Variants in SMARCA4 observed in about 807,000 individuals in gnomAD.
SMARCA4 encodes SWI/SNF related BAF chromatin remodeling complex subunit ATPase 4.
SMARCA4 carries 31 observed loss-of-function variants against 193.9 expected under a neutral mutation model. The observed-to-expected ratio is 0.16, with a 90% confidence interval of 0.12 to 0.22. The LOEUF (loss-of-function observed/expected upper bound fraction) is 0.22, where lower values mean the gene tolerates loss of function less well. Among genes scored for constraint, SMARCA4 ranks in the 10% least tolerant of loss-of-function variants. SMARCA4 has a pLI of 1.00. For missense variants in SMARCA4, 1,148 were observed against 2,296.0 expected (o/e 0.50, Z 10.22); for synonymous variants, 942 against 933.1 (o/e 1.01, Z -0.17).
In SMARCA4 at chr19:11,041,596, G is replaced by T. The variant is rs1188901555; in HGVS notation, c.4424+36G>T. Reference sequence around the variant, plus strand: ...AGGCGGGGAGGGCGGGGGCTGTAGGGGTCCCCGTGGGAGCAGGCCTGGCAT... The same window carrying T: ...AGGCGGGGAGGGCGGGGGCTGTAGGTGTCCCCGTGGGAGCAGGCCTGGCAT... On this transcript the variant is annotated intron_variant, in intron 30 of 34. Transcript: ENST00000344626. This position sits in a 1 kb window ranked among gnomAD's most constrained non-coding sequence, Gnocchi z 5.6. 2 of 1,597,828 alleles carry T rather than the reference G, an allele frequency of 1.3e-6. No homozygotes were observed. Among genetic ancestry groups the T allele is most frequent in the Admixed American group, 3.3e-5 (2 of 59,850 alleles).
intron 1 of SMARCA4, among the ~76,000 whole-genome samples, chr19:10,963,396 AAG>A (rs1568385175): frequency 1.3e-5 from 2 of 150,590 alleles, no homozygotes; most frequent in Non-Finnish European, 3.0e-5. Flanking sequence ...AAAAAAGAAA[AAG>A]AAAGCTTGGT....
chr19:11,024,888 G>C (rs1002200157), intron 21 of SMARCA4, among the ~76,000 whole-genome samples: 2 of 151,836 alleles, frequency 1.3e-5, no homozygotes, highest in Admixed American at 1.3e-4. Flanking sequence ...CCTTGACCTC[G>C]GCCTGGCTTC....
rs1441370371 is a variant in SMARCA4, at chr19:10,996,344, G to C, written c.1725G>C (p.Gln575His). ...TELVRQHKAA[Q>H]VAKEKKKKKK... The stretch of plus-strand genomic sequence containing the variant: ...TGGTGCGGCAGCACAAGGCTGCCCA[G>C]GTCGCCAAGGAGAAAAAGAAGAAAA... The change falls in exon 10 of 35, where the codon CAG (glutamine) becomes CAC (histidine). Residue 575 changes from glutamine (Q) to histidine (H), a missense_variant. Around this residue, in one of 17 missense-constraint regions of SMARCA4, gnomAD observed 115 missense variants for 175.1 expected, o/e 0.66. Coordinates refer to ENST00000344626, the MANE Select transcript of SMARCA4 (RefSeq NM_003072.5). The C allele has an allele frequency of 1.1e-5, 18 of 1,614,240 alleles. No homozygotes were observed. The highest frequency in any genetic ancestry group is 1.5e-5 in the Non-Finnish European group (18 of 1,180,044).
intron 34 of SMARCA4, among the ~76,000 whole-genome samples, chr19:11,061,449 C>A (rs1297923964): frequency 6.6e-6 from 1 of 151,894 alleles, no homozygotes; most frequent in East Asian, 1.9e-4. Context: ...CATCTCGGCT[C>A]ACTGCAAGCT....
chr19:10,974,132 C>G (rs2084908093), intron 1 of SMARCA4, among the ~76,000 whole-genome samples: 1 of 152,120 alleles, frequency 6.6e-6, no homozygotes, highest in Non-Finnish European at 1.5e-5. Flanking sequence ...AAACAACCAC[C>G]ATAATTCCAA....
intron 32 of SMARCA4, among the ~76,000 whole-genome samples, 198 bp from the exon 33 acceptor site, chr19:11,059,555 T>C (rs935426166): frequency 2.6e-5 from 4 of 152,216 alleles, no homozygotes; most frequent in African/African-American, 9.6e-5. Flanking sequence ...AGTCTGATGC[T>C]CGGGCCCCTA....
chr19:11,053,310 CCT>C, intron 30 of SMARCA4, among the ~76,000 whole-genome samples: 1 of 152,208 alleles, frequency 6.6e-6, no homozygotes, highest in Non-Finnish European at 1.5e-5. Flanking sequence ...GTGGCAAAAC[CCT>C]GTTTCTACTC....
chr19:11,008,985 AAATG>A (rs1439787245), intron 14 of SMARCA4, among the ~76,000 whole-genome samples: 1 of 146,114 alleles, frequency 6.8e-6, no homozygotes, highest in African/African-American at 2.6e-5. Flanking sequence ...AAAAAAAAAA[AAATG>A]TAGGTGGATA....
Position 11,019,406 on chromosome 19 carries a change from C to G in SMARCA4, c.2506-185C>G, listed in dbSNP as rs867928008. ...GCACTGCTTCCTCTTCCCCCTGCAG[C>G]GCGTGTTCTGCGTGGTGAGGTCTGG... On this transcript the variant is annotated intron_variant, in intron 17 of 34. Transcript: ENST00000344626. This position sits in a 1 kb window ranked among gnomAD's most constrained non-coding sequence, Gnocchi z 6.1. 1.6e-6 allele frequency: 1 copy of G among 628,346 alleles called. No individual in the cohort carries two copies. Among genetic ancestry groups the G allele is most frequent in the Non-Finnish European group, 2.9e-6 (1 of 348,404 alleles). 38.9% of individuals were successfully genotyped at this position (628,346 alleles called of 1,614,324 possible). A position where few individuals can be genotyped will look rare whatever the true frequency, so the allele number is the denominator to read the frequency against.
rs1600258073 is a variant in SMARCA4 at position 11,019,642 on chromosome 19, T to C, written c.2557T>C (p.Phe853Leu). Residue 853 changes from phenylalanine (F) to leucine (L), a missense_variant, in exon 18 of 35, where the codon TTC (phenylalanine) becomes CTC (leucine). Physicochemically the swap from Phe to Leu is conservative, Grantham distance 22. This residue lies in a region of SMARCA4 where 54 missense variants were observed against 123.3 expected (regional missense o/e 0.44). Transcript: ENST00000344626. The surrounding 1 kb of genome is among the most constrained non-coding windows in gnomAD (Gnocchi z 6.1). Reference sequence around the variant, plus strand: ...TGTCCCCCAGCTCCGGAGTGGGAAGTTCAACGTCTTGCTGACGACGTACGA... The same window carrying C: ...TGTCCCCCAGCTCCGGAGTGGGAAGCTCAACGTCTTGCTGACGACGTACGA... The part of the protein sequence containing the change: ...AFVPQLRSGK[F>L]NVLLTTYEYI... 1 of 1,613,630 alleles carries C rather than the reference T, an allele frequency of 6.2e-7. No homozygotes were observed. Among genetic ancestry groups the C allele is most frequent in the Non-Finnish European group, 8.5e-7 (1 of 1,179,856 alleles).
Position 10,985,034 on chromosome 19 carries a change from T to C in SMARCA4, c.223-239T>C, listed in dbSNP as rs74720709. 0.095 allele frequency among the ~76,000 whole-genome samples: 14,478 copies of C among 152,270 alleles called. 754 individuals are homozygous for C. The highest frequency in any genetic ancestry group is 0.11 in the South Asian group (551 of 4,828). ...CCGGGTGGTAGAAGATGAGGATTGC[T>C]TGACCACAGTCTCCCATATGCTCGT... On this transcript the variant is annotated intron_variant, in intron 2 of 34. Coordinates refer to ENST00000344626, the MANE Select transcript of SMARCA4 (RefSeq NM_003072.5). This position sits in a 1 kb window ranked among gnomAD's most constrained non-coding sequence, Gnocchi z 4.5.
intron 1 of SMARCA4, among the ~76,000 whole-genome samples, chr19:10,962,322 G>C (rs1204536351): frequency 1.3e-5 from 2 of 151,942 alleles, no homozygotes; most frequent in Non-Finnish European, 2.9e-5. Context: ...AACTTCTTGA[G>C]GCCCTACTAA....
rs962214812 is a variant in SMARCA4, at chr19:11,035,228, A to G, written c.4170+96A>G. On this transcript the variant is annotated intron_variant, in intron 29 of 34. Coordinates refer to ENST00000344626, the MANE Select transcript of SMARCA4 (RefSeq NM_003072.5). The stretch of plus-strand genomic sequence containing the variant: ...CCGCCAGGACTCAGGCCTGGGTCCA[A>G]AATGCTTTCCTTGGGCCACTCCTGG... 4 of 1,214,328 alleles carry G rather than the reference A, an allele frequency of 3.3e-6. No individual in the cohort carries two copies. The African/African-American group carries it at 4.5e-5, about 14-fold the overall frequency. 75.2% of individuals were successfully genotyped at this position (1,214,328 alleles called of 1,614,324 possible).
rs1422013495 is a variant in SMARCA4 at position 11,023,505 on chromosome 19, T to C, written c.2860-13T>C. On this transcript the variant is annotated splice_polypyrimidine_tract_variant and intron_variant, in intron 19 of 34. Coordinates refer to ENST00000344626, the MANE Select transcript of SMARCA4 (RefSeq NM_003072.5). ...GAGGTAACGCTTGCTTCTCCTGTCT[T>C]GGGGGCTTCCAGGTGGACCTGAATG... is the stretch of plus-strand genomic sequence containing the variant. The C allele has an allele frequency of 1.3e-6, 2 of 1,559,698 alleles. No individual in the cohort carries two copies. Among genetic ancestry groups the C allele is most frequent in the Admixed American group, 1.7e-5 (1 of 59,612 alleles).
chr19:11,030,708 T>C lies in SMARCA4; in HGVS notation c.3383-22T>C, dbSNP rs368028126. 1.4e-5 allele frequency: 22 copies of C among 1,607,716 alleles called. No individual in the cohort carries two copies. The highest frequency in any genetic ancestry group is 1.9e-5 in the Non-Finnish European group (22 of 1,177,442). ...ACCCCTGAGGTCACCCCGCTGACCC[T>C]GTTCTCCTCTGTGCCCGTCAGGAAC... On this transcript the variant is annotated intron_variant, in intron 24 of 34. Transcript: ENST00000344626. This position sits in a 1 kb window ranked among gnomAD's most constrained non-coding sequence, Gnocchi z 5.5.
intron 30 of SMARCA4, among the ~76,000 whole-genome samples, chr19:11,053,074 C>T (rs544290253): frequency 3.3e-5 from 5 of 152,220 alleles, no homozygotes; most frequent in Non-Finnish European, 7.4e-5. Context: ...AACTTGGGTT[C>T]TTGGTGGGGA....
chr19:11,039,151 C>T (rs1481757509), intron 29 of SMARCA4, among the ~76,000 whole-genome samples: 1 of 152,054 alleles, frequency 6.6e-6, no homozygotes, highest in Non-Finnish European at 1.5e-5. Context: ...GTCAGGAGCT[C>T]AAGACCAGCC....
intron 11 of SMARCA4, among the ~76,000 whole-genome samples, chr19:11,001,845 A>G (rs932928829): frequency 6.6e-6 from 1 of 152,242 alleles, no homozygotes; most frequent in African/African-American, 2.4e-5. Flanking sequence ...GAAATATACA[A>G]GAATTGATGA....
At position 11,030,049 on chromosome 19, in the gene SMARCA4, G is replaced by A. The variant is rs1403666364; in HGVS notation, c.3383-681G>A. ...CTCTGTCCGAACTCCCAGCAGCGCA[G>A]GGAGTGTTGACATTGCCTTAATGCC... On this transcript the variant is annotated intron_variant, in intron 24 of 34. Coordinates refer to ENST00000344626, the MANE Select transcript of SMARCA4 (RefSeq NM_003072.5). This position sits in a 1 kb window ranked among gnomAD's most constrained non-coding sequence, Gnocchi z 5.5. 3.3e-5 allele frequency among the ~76,000 whole-genome samples: 5 copies of A among 152,162 alleles called. No homozygotes were observed. The highest frequency in any genetic ancestry group is 4.8e-5 in the African/African-American group (2 of 41,430).
Sources: allele counts gnomAD v4.1 joint callset (sites outside exome capture counted in the v4.1 genomes callset), GRCh38; gene constraint gnomAD v4.1.1; regional missense constraint gnomAD v4.1.1; non-coding constraint Gnocchi (gnomAD v3.1); transcripts MANE v1.5; gene names NCBI Gene and HGNC (gene_info 2026-07-23, HGNC 2026-07-21).